The following GRID1 variants were observed in gnomAD, a reference collection of about 807,000 sequenced individuals.
The protein encoded by GRID1 is glutamate receptor ionotropic, delta-1.
In GRID1, 28 loss-of-function variants were observed where a neutral mutation model predicts 98.0. That is an observed-to-expected ratio of 0.29 (90% CI 0.21 to 0.39). The LOEUF (loss-of-function observed/expected upper bound fraction) is 0.39. Ranked by LOEUF, GRID1 falls within the 10% of genes least tolerant of loss-of-function variation. The pLI is 1.00. For synonymous variants in GRID1, 553 were observed against 538.5 expected (o/e 1.03, Z -0.37); for missense variants, 1,111 against 1,340.5 (o/e 0.83, Z 2.67).
intron 8 of GRID1, among the ~76,000 whole-genome samples, chr10:85,738,095 G>A (rs1344469368): frequency 6.6e-6 from 1 of 151,794 alleles, no homozygotes; most frequent in Non-Finnish European, 1.5e-5. Context: ...GGATGGAGCA[G>A]GAAAAAGAAA....
chr10:86,360,528 C>G (rs2132122818), intron 2 of GRID1, among the ~76,000 whole-genome samples: 1 of 152,232 alleles, frequency 6.6e-6, no homozygotes, highest in Non-Finnish European at 1.5e-5. Context: ...AAAGTAAGAG[C>G]TAAAAATGAA....
chr10:85,890,514 G>A (rs1841184731), intron 5 of GRID1, among the ~76,000 whole-genome samples: 1 of 152,122 alleles, frequency 6.6e-6, no homozygotes, highest in Non-Finnish European at 1.5e-5. Context: ...GGATCTTTTG[G>A]TCATTCACTG....
intron 12 of GRID1, among the ~76,000 whole-genome samples, chr10:85,703,116 C>A (rs533481775): frequency 2.6e-5 from 4 of 151,946 alleles, no homozygotes; most frequent in African/African-American, 9.6e-5. Flanking sequence ...AGAAGGCAAT[C>A]GAGCAAATTC....
chr10:85,950,352 G>A (rs925256030), intron 4 of GRID1, among the ~76,000 whole-genome samples: 1 of 152,190 alleles, frequency 6.6e-6, no homozygotes, highest in Non-Finnish European at 1.5e-5. Context: ...AAGTGGTCCT[G>A]TCATTTTAAT....
chr10:86,085,646 C>T (rs1844042050), intron 4 of GRID1, among the ~76,000 whole-genome samples: 1 of 152,132 alleles, frequency 6.6e-6, no homozygotes, highest in Non-Finnish European at 1.5e-5. Context: ...GGAACATCTC[C>T]TTTATTTCCT....
chr10:86,321,333 C>T (rs934385958), intron 2 of GRID1, among the ~76,000 whole-genome samples: 3 of 152,042 alleles, frequency 2.0e-5, no homozygotes, highest in Non-Finnish European at 4.4e-5. Flanking sequence ...GAATAGAGAT[C>T]GGGCCAAAAT....
intron 4 of GRID1, among the ~76,000 whole-genome samples, chr10:86,043,277 T>A (rs1440190922): frequency 6.6e-6 from 1 of 152,194 alleles, no homozygotes; most frequent in East Asian, 1.9e-4. Flanking sequence ...GTCCTCCATC[T>A]TGCCAGACCC....
intron 12 of GRID1, among the ~76,000 whole-genome samples, chr10:85,708,129 A>AC (rs1841542935): frequency 8.8e-6 from 1 of 113,556 alleles, no homozygotes; most frequent in Non-Finnish European, 1.8e-5. Flanking sequence ...AAAAAAAAAA[A>AC]AACACAAGAT....
intron 5 of GRID1, among the ~76,000 whole-genome samples, chr10:85,894,364 T>C (rs1841251250): frequency 6.6e-6 from 1 of 152,158 alleles, no homozygotes; most frequent in Non-Finnish European, 1.5e-5. Context: ...ATCAATATGC[T>C]GAGTGAAATA....
chr10:86,275,907 A>C (rs1319864369), intron 2 of GRID1, among the ~76,000 whole-genome samples: 2 of 152,230 alleles, frequency 1.3e-5, no homozygotes, highest in Non-Finnish European at 2.9e-5. Context: ...GAAAGACATG[A>C]AATTAAAATC....
At chr10:86,020,093 G>A (rs1388780284) in intron 4 of GRID1, among the ~76,000 whole-genome samples, 1 of 152,246 alleles carries the variant, frequency 6.6e-6, no homozygotes, top group Non-Finnish European at 1.5e-5. Flanking sequence ...TGTCTCAGGT[G>A]TAATGTCAAC....
At chr10:85,631,710 C>T (rs1008519039) in intron 13 of GRID1, among the ~76,000 whole-genome samples, 21 of 151,952 alleles carry the variant, frequency 1.4e-4, no homozygotes, top group African/African-American at 5.1e-4. Flanking sequence ...TTAAATTGTC[C>T]AAAGACCATG....
intron 2 of GRID1, among the ~76,000 whole-genome samples, chr10:86,294,660 G>GT (rs1847562414): frequency 6.6e-6 from 1 of 152,202 alleles, no homozygotes; most frequent in Non-Finnish European, 1.5e-5. Context: ...ACATGCTTGT[G>GT]TAAGAAGCCT....
chr10:85,879,875 CA>C (rs1398735987), intron 5 of GRID1, among the ~76,000 whole-genome samples: 1 of 151,798 alleles, frequency 6.6e-6, no homozygotes, highest in Non-Finnish European at 1.5e-5. Flanking sequence ...AGACCGCTAG[CA>C]AGACTAATAA....
At chr10:85,636,862 T>G (rs956349407) in intron 13 of GRID1, among the ~76,000 whole-genome samples, 1 of 152,244 alleles carries the variant, frequency 6.6e-6, no homozygotes, top group Non-Finnish European at 1.5e-5. Flanking sequence ...TTATATCCTT[T>G]TTGGCACCAT....
At chr10:85,715,908 T>C (rs983507832) in intron 12 of GRID1, among the ~76,000 whole-genome samples, 1 of 31,714 alleles carries the variant, frequency 3.2e-5, no homozygotes, top group South Asian at 6.5e-4. Context: ...GAACTAACCT[T>C]TTTTTTTTTT....
chr10:86,221,513 G>A (rs767842811), intron 2 of GRID1, among the ~76,000 whole-genome samples: 4 of 152,160 alleles, frequency 2.6e-5, no homozygotes, highest in Non-Finnish European at 5.9e-5. Flanking sequence ...GGCTGTGGGA[G>A]TGGTGGAGGT....
intron 8 of GRID1, among the ~76,000 whole-genome samples, chr10:85,769,595 C>T (rs879431139): frequency 3.3e-5 from 5 of 152,284 alleles, no homozygotes; most frequent in Non-Finnish European, 7.3e-5. Context: ...ACAGACGGCA[C>T]CTGGGAAATC....
At chr10:86,310,141 G>T (rs1847812891) in intron 2 of GRID1, among the ~76,000 whole-genome samples, 1 of 152,160 alleles carries the variant, frequency 6.6e-6, no homozygotes, top group African/African-American at 2.4e-5. Flanking sequence ...TGGCTCTCCT[G>T]CTGGCTCTGA....
Sources: allele counts gnomAD v4.1 joint callset (sites outside exome capture counted in the v4.1 genomes callset), GRCh38; gene constraint gnomAD v4.1.1; transcripts MANE v1.5; gene names NCBI Gene and HGNC (gene_info 2026-07-23, HGNC 2026-07-21).